The following COL11A1 variants were observed in gnomAD, a reference collection of about 807,000 sequenced individuals.
COL11A1 encodes the protein collagen alpha-1(XI) chain.
Under a neutral mutation model 265.2 loss-of-function variants are expected in COL11A1, and 74 were observed. The observed-to-expected ratio is 0.28, with a 90% CI of 0.23 to 0.34. COL11A1 has a LOEUF of 0.34. Among genes scored for constraint, COL11A1 ranks in the 10% least tolerant of loss-of-function variants. COL11A1 has a pLI of 1.00. For missense variants in COL11A1, 2,165 were observed against 2,263.6 expected, an observed-to-expected ratio of 0.96 and a Z score of 0.88; for synonymous variants, 816 against 727.6, an observed-to-expected ratio of 1.12 and a Z score of -1.96.
chr1:103,068,617 T>A (rs1300969319), intron 4 of COL11A1, among the ~76,000 whole-genome samples: 2 of 151,234 alleles, frequency 1.3e-5, no homozygotes, highest in Non-Finnish European at 3.0e-5. Flanking sequence ...TTCATTGCCG[T>A]AAGAAAAATA....
rs775800593 is a variant in COL11A1 at position 103,002,428 on chromosome 1, C to G, written c.2097G>C (p.Gln699His). Reference sequence around the variant, plus strand: ...AGGAGCTGCAGTGGCTTAGACTTACCTGAGGTCCTGGATTCCCTTGTTGAC... The same window carrying G: ...AGGAGCTGCAGTGGCTTAGACTTACGTGAGGTCCTGGATTCCCTTGTTGAC... ...PPGQQGNPGP[Q>H]GLPGPQGPIG... is the part of the protein sequence containing the mutation. The change falls in exon 23 of 67, where the codon CAG (glutamine) becomes CAC (histidine). Residue 699 changes from glutamine (Q) to histidine (H), a missense_variant and splice_region_variant. Coordinates refer to ENST00000370096, the MANE Select transcript of COL11A1 (RefSeq NM_001854.4). The G allele has an allele frequency of 1.5e-5, 24 of 1,607,722 alleles. No individual in the cohort carries two copies. In the South Asian group the frequency reaches 2.5e-4, roughly 16 times the overall value.
intron 4 of COL11A1, among the ~76,000 whole-genome samples, chr1:103,049,082 T>G (rs529460366): frequency 1.2e-4 from 18 of 152,314 alleles, no homozygotes; most frequent in Admixed American, 1.0e-3. Context: ...GCTGTTGATT[T>G]GGGGTGGAGA....
intron 38 of COL11A1, among the ~76,000 whole-genome samples, chr1:102,964,140 C>T (rs1173597683): frequency 1.3e-5 from 2 of 152,084 alleles, no homozygotes; most frequent in Non-Finnish European, 2.9e-5. Flanking sequence ...TAGATGACCA[C>T]ATTGAACAGA....
chr1:103,027,442 T>C (rs1012695709), intron 5 of COL11A1, among the ~76,000 whole-genome samples: 28 of 95,568 alleles, frequency 2.9e-4, no homozygotes, highest in African/African-American at 9.8e-4. Context: ...TATATATATA[T>C]ATGCATGCAT....
intron 4 of COL11A1, among the ~76,000 whole-genome samples, chr1:103,073,770 T>C (rs1002016680): frequency 7.2e-5 from 11 of 151,990 alleles, no homozygotes; most frequent in African/African-American, 2.7e-4. Context: ...TTTATGAAAA[T>C]ACATACTGTC....
In COL11A1 at chr1:102,914,376, A is replaced by T. The variant is rs573885118; in HGVS notation, c.3954T>A (p.Gly1318=). The change falls in exon 52 of 67, where the codon GGT becomes GGA. Residue 1318 remains glycine (G), a synonymous_variant. Transcript: ENST00000370096. ...PGPVGFPGDP[G]PPGEPGPAGQ... ...CTGCAGGGCCAGGTTCCCCAGGAGGACCAGGATCTCCAGGAAAACCAACAG... is the reference window on the plus strand; with the variant it reads ...CTGCAGGGCCAGGTTCCCCAGGAGGTCCAGGATCTCCAGGAAAACCAACAG... The T allele has an allele frequency of 2.5e-6, 4 of 1,609,066 alleles. No homozygotes were observed. The African/African-American group carries it at 5.3e-5, about 21-fold the overall frequency.
At chr1:103,037,583 T>C (rs1456434275) in intron 4 of COL11A1, among the ~76,000 whole-genome samples, 3 of 152,090 alleles carry the variant, frequency 2.0e-5, no homozygotes, top group Admixed American at 2.0e-4. Context: ...TGGACCTTAA[T>C]AGGATCACAA....
intron 5 of COL11A1, 104 bp downstream of exon 5, chr1:103,031,012 C>T (rs771819563): frequency 2.7e-5 from 35 of 1,315,970 alleles, no homozygotes; most frequent in Non-Finnish European, 3.5e-5. Flanking sequence ...AAATACAAAG[C>T]ATAGCTTAAT....
Position 103,033,649 on chromosome 1 carries a change from C to A in COL11A1, c.652-2405G>T, listed in dbSNP as rs532905629. ...AAAAGAGAAATATTATAAACAAGAA[C>A]AATCTTTTATATTTACCTTTCCCAG... On this transcript the variant is annotated intron_variant, in intron 4 of 66. Transcript: ENST00000370096. Among the ~76,000 whole-genome samples, 5 of 152,128 alleles carry A rather than the reference C, an allele frequency of 3.3e-5. No individual in the cohort carries two copies. The South Asian group carries it at 1.0e-3, about 32-fold the overall frequency.
chr1:102,951,412 G>A (rs1013378510), intron 41 of COL11A1, among the ~76,000 whole-genome samples: 1 of 152,080 alleles, frequency 6.6e-6, no homozygotes, highest in Non-Finnish European at 1.5e-5. Context: ...AAATTTAGGC[G>A]TCACGCCGGG....
In COL11A1 at chr1:102,946,927, A is replaced by T. The variant is rs904614699; in HGVS notation, c.3198T>A (p.Gly1066=). The T allele has an allele frequency of 6.2e-7, 1 of 1,613,096 alleles. No individual in the cohort carries two copies. The highest frequency in any genetic ancestry group is 1.7e-5 in the Admixed American group (1 of 59,844). ...VGSPGERGSA[G]TAGPIGLPGR... Reference sequence around the variant, plus strand: ...CTGGTAAACCAATTGGGCCAGCTGTACCTGCTGACCCACGTTCTCCTGGTG... The same window carrying T: ...CTGGTAAACCAATTGGGCCAGCTGTTCCTGCTGACCCACGTTCTCCTGGTG... Residue 1066 remains glycine (G), a synonymous_variant, in exon 42 of 67, where the codon GGT becomes GGA. Coordinates refer to ENST00000370096, the MANE Select transcript of COL11A1 (RefSeq NM_001854.4).
intron 18 of COL11A1, 56 bp from the exon 19 acceptor site, chr1:103,004,717 G>T: frequency 1.0e-5 from 15 of 1,434,032 alleles, no homozygotes; most frequent in Non-Finnish European, 1.5e-5. Flanking sequence ...ATGTTTACAA[G>T]TCTATCAGGT....
At position 102,886,693 on chromosome 1, in the gene COL11A1, T is replaced by C. The variant is rs141652440; in HGVS notation, c.4858+114A>G. The C allele has an allele frequency of 1.1e-4, 162 of 1,411,674 alleles. No individual in the cohort carries two copies. In the African/African-American group the frequency reaches 2.0e-3, roughly 18 times the overall value. The allele number at this position is 1,411,674 out of a possible 1,614,324, so 87.4% of individuals were successfully genotyped here. A position where few individuals can be genotyped will look rare whatever the true frequency, so the allele number is the denominator to read the frequency against. On this transcript the variant is annotated intron_variant, in intron 63 of 66. Coordinates refer to ENST00000370096, the MANE Select transcript of COL11A1 (RefSeq NM_001854.4). ...CTGTCTAGAAGATAATTAATAACTG[T>C]TTCATTTTATTTAGAGACTGTATTA...
At chr1:103,090,072 C>A (rs546714963) in intron 1 of COL11A1, among the ~76,000 whole-genome samples, 8 of 151,260 alleles carry the variant, frequency 5.3e-5, no homozygotes, top group African/African-American at 1.9e-4. Context: ...TGCAGCGAGC[C>A]GAGATCACAC....
chr1:103,016,963 G>T (rs1329178403), intron 11 of COL11A1, among the ~76,000 whole-genome samples: 2 of 151,810 alleles, frequency 1.3e-5, no homozygotes, highest in Non-Finnish European at 2.9e-5. Flanking sequence ...AGAGTTTAAG[G>T]TGAGTAAATT....
chr1:102,888,567 A>G lies in COL11A1; in HGVS notation c.4608+10T>C, dbSNP rs1328023577. 1 of 1,611,080 alleles carries G rather than the reference A, an allele frequency of 6.2e-7. No individual in the cohort carries two copies. The highest frequency in any genetic ancestry group is 8.5e-7 in the Non-Finnish European group (1 of 1,177,402). On this transcript the variant is annotated intron_variant, in intron 62 of 66. Coordinates refer to ENST00000370096, the MANE Select transcript of COL11A1 (RefSeq NM_001854.4). ...CTGTCAGAACATCACTCTTGTTAAC[A>G]TATACTTACTGGAGACCCAGGAGGC...
intron 42 of COL11A1, among the ~76,000 whole-genome samples, chr1:102,945,263 T>A (rs1659143426): frequency 6.7e-6 from 1 of 149,714 alleles, no homozygotes; most frequent in Admixed American, 6.7e-5. Context: ...TCTCTCTCTC[T>A]CTCTCTCTCT....
At position 102,977,781 on chromosome 1, in the gene COL11A1, T is replaced by C. The variant is rs377645840; in HGVS notation, c.2754+927A>G. Among the ~76,000 whole-genome samples the C allele has an allele frequency of 3.9e-5, 6 of 152,054 alleles. No homozygotes were observed. The East Asian group carries it at 1.2e-3, about 29-fold the overall frequency. On this transcript the variant is annotated intron_variant, in intron 35 of 66. Transcript: ENST00000370096. Reference sequence around the variant, plus strand: ...ACAGTTCATCGAGAGTGAGAAACATTTAGCGGAAAATTAATTAAATATGAG... The same window carrying C: ...ACAGTTCATCGAGAGTGAGAAACATCTAGCGGAAAATTAATTAAATATGAG...
rs546668913 is a variant in COL11A1 at position 103,055,863 on chromosome 1, G to A, written c.651+18755C>T. Among the ~76,000 whole-genome samples the A allele has an allele frequency of 7.9e-5, 12 of 152,236 alleles. 1 individual carries two copies. In the East Asian group the frequency reaches 9.7e-4, roughly 12 times the overall value. On this transcript the variant is annotated intron_variant, in intron 4 of 66. Transcript: ENST00000370096. ...AGAAATGAACACTTTTCAAACGTTC[G>A]TATCTTGGGAAAGCCAATACTCCTA...
Sources: allele counts gnomAD v4.1 joint callset (sites outside exome capture counted in the v4.1 genomes callset), GRCh38; gene constraint gnomAD v4.1.1; transcripts MANE v1.5; gene names NCBI Gene and HGNC (gene_info 2026-07-23, HGNC 2026-07-21).